TYR: variants seen among roughly 807,000 people sequenced by gnomAD.
The protein encoded by TYR is LB24-AB.
In TYR, 58 loss-of-function variants were observed where a neutral mutation model predicts 51.5. The ratio of observed to expected loss-of-function variants is 1.13; its 90% CI spans 0.91 to 1.40. TYR has a LOEUF of 1.40. TYR is among the 40% of genes most tolerant of loss of function. The pLI is 0.00. For synonymous variants in TYR, 263 were observed against 235.2 expected (o/e 1.12, Z -1.08); for missense variants, 732 against 647.4 (o/e 1.13, Z -1.42).
intron 3 of TYR, among the ~76,000 whole-genome samples, chr11:89,250,984 T>A (rs569793501): frequency 2.0e-5 from 3 of 151,912 alleles, no homozygotes; most frequent in African/African-American, 7.2e-5. Flanking sequence ...AACAAATCAT[T>A]TGAAGGGAGC....
rs115235788 is a variant in TYR at position 89,276,187 on chromosome 11, T to C, written c.1185-8586T>C. Among the ~76,000 whole-genome samples, 746 of 151,986 alleles carry C rather than the reference T, an allele frequency of 4.9e-3. 2 individuals carry two copies. Among genetic ancestry groups the C allele is most frequent in the African/African-American group, 0.017 (703 of 41,524 alleles). The stretch of plus-strand genomic sequence containing the variant: ...TTGAAAACAACAATGCCTCTGCCTC[T>C]ATTTGGATTTGTTCCCTCACAGTGA... On this transcript the variant is annotated intron_variant, in intron 3 of 4. Transcript: ENST00000263321.
At chr11:89,292,666 A>G (rs1483557798) in intron 4 of TYR, among the ~76,000 whole-genome samples, 1 of 152,136 alleles carries the variant, frequency 6.6e-6, no homozygotes, top group South Asian at 2.1e-4. Flanking sequence ...CTACCAAGTT[A>G]TTGTTTTCCC....
At position 89,231,765 on chromosome 11, in the gene TYR, C is replaced by G. The variant is rs1212068114; in HGVS notation, c.1184+3795C>G. Among the ~76,000 whole-genome samples the G allele has an allele frequency of 7.8e-5, 11 of 141,710 alleles. 1 individual carries two copies. The highest frequency in any genetic ancestry group is 7.7e-4 in the Admixed American group (11 of 14,350). 93.0% of individuals were successfully genotyped at this position (141,710 alleles called of 152,430 possible). On this transcript the variant is annotated intron_variant, in intron 3 of 4. Coordinates refer to ENST00000263321, the MANE Select transcript of TYR (RefSeq NM_000372.5). ...TTGGGAGGCTGGGATGGGTGGATTG[C>G]CTGAGCTCAGGAGTTCGAGGCCATG... is the stretch of plus-strand genomic sequence containing the variant.
chr11:89,185,533 G>A (rs7103787), intron 1 of TYR, among the ~76,000 whole-genome samples: 2,543 of 152,222 alleles, frequency 0.017, 63 homozygotes, highest in African/African-American at 0.057. Context: ...AAATAAATGT[G>A]TCTTCATGAA....
At chr11:89,273,674 C>T (rs1427623178) in intron 3 of TYR, among the ~76,000 whole-genome samples, 1 of 151,870 alleles carries the variant, frequency 6.6e-6, no homozygotes, top group Non-Finnish European at 1.5e-5. Context: ...ATGTAATATC[C>T]ACATAAAGCA....
At chr11:89,259,453 A>T (rs1368323070) in intron 3 of TYR, among the ~76,000 whole-genome samples, 1 of 152,132 alleles carries the variant, frequency 6.6e-6, no homozygotes, top group Non-Finnish European at 1.5e-5. Flanking sequence ...AACCTCAACC[A>T]CCTGTTTCTG....
chr11:89,255,232 C>G (rs756153607), intron 3 of TYR, among the ~76,000 whole-genome samples: 18 of 151,582 alleles, frequency 1.2e-4, no homozygotes, highest in East Asian at 1.9e-4. Flanking sequence ...TGTGGCCCAT[C>G]ATATGATCTA....
chr11:89,195,461 C>A (rs1041118610), intron 2 of TYR, among the ~76,000 whole-genome samples: 5 of 152,020 alleles, frequency 3.3e-5, no homozygotes, highest in Non-Finnish European at 4.4e-5. Flanking sequence ...GGTGGATCAC[C>A]TGAGGTCAGG....
At chr11:89,262,294 G>C (rs572075206) in intron 3 of TYR, among the ~76,000 whole-genome samples, 1 of 151,962 alleles carries the variant, frequency 6.6e-6, no homozygotes, top group African/African-American at 2.4e-5. Context: ...CCTGACCTCA[G>C]GTGATCTGCC....
At chr11:89,204,801 T>A (rs990511031) in intron 2 of TYR, among the ~76,000 whole-genome samples, 3 of 149,450 alleles carry the variant, frequency 2.0e-5, no homozygotes, top group Non-Finnish European at 4.4e-5. Context: ...CTTATCATAC[T>A]AAGAAAAGTT....
intron 2 of TYR, among the ~76,000 whole-genome samples, chr11:89,224,842 T>A (rs1164894033): frequency 6.6e-6 from 1 of 152,174 alleles, no homozygotes; most frequent in Non-Finnish European, 1.5e-5. Context: ...GTTGGGTAGT[T>A]TATAAATAAA....
intron 1 of TYR, among the ~76,000 whole-genome samples, chr11:89,186,917 T>C (rs919160524): frequency 6.6e-6 from 1 of 152,092 alleles, no homozygotes; most frequent in African/African-American, 2.4e-5. Flanking sequence ...GAAACGGCAA[T>C]GTGAAGACAG....
At chr11:89,206,883 G>A (rs1286939657) in intron 2 of TYR, among the ~76,000 whole-genome samples, 1 of 151,870 alleles carries the variant, frequency 6.6e-6, no homozygotes, top group African/African-American at 2.4e-5. Context: ...AACCCAAGGA[G>A]TAAAGAGAAA....
At chr11:89,210,381 TGAAATAAAGTAA>T (rs71052217) in intron 2 of TYR, among the ~76,000 whole-genome samples, 75,522 of 150,952 alleles carry the variant, frequency 0.5, 21,570 homozygotes, top group African/African-American at 0.8. Flanking sequence ...ATCAAATTAA[TGAAATAAAGTAA>T]GAAATAAAGT....
intron 1 of TYR, among the ~76,000 whole-genome samples, chr11:89,182,015 T>G (rs1943306792): frequency 6.6e-6 from 1 of 152,192 alleles, no homozygotes; most frequent in South Asian, 2.1e-4. Context: ...TCTGAGACTT[T>G]TACTGATCCA....
intron 2 of TYR, among the ~76,000 whole-genome samples, chr11:89,212,172 A>G (rs1230201308): frequency 6.6e-6 from 1 of 152,164 alleles, no homozygotes; most frequent in Admixed American, 6.5e-5. Context: ...TTTTGAAAAG[A>G]TCAACAAAAT....
At chr11:89,186,056 T>A (rs1943368090) in intron 1 of TYR, among the ~76,000 whole-genome samples, 1 of 152,124 alleles carries the variant, frequency 6.6e-6, no homozygotes, top group African/African-American at 2.4e-5. Context: ...GGGTAGGATA[T>A]TAGATGCATG....
At chr11:89,189,461 G>A (rs544516565) in intron 1 of TYR, among the ~76,000 whole-genome samples, 1 of 151,654 alleles carries the variant, frequency 6.6e-6, no homozygotes, top group East Asian at 1.9e-4. Flanking sequence ...AAAAAAAAGG[G>A]ACAATAATAG....
intron 2 of TYR, among the ~76,000 whole-genome samples, chr11:89,205,803 G>A (rs1054017564): frequency 2.6e-5 from 4 of 152,056 alleles, no homozygotes; most frequent in Non-Finnish European, 5.9e-5. Context: ...AAAATATAGG[G>A]AATTCAACAG....
Sources: gnomAD v4.1 joint callset for allele counts (sites outside exome capture counted in the v4.1 genomes callset) on GRCh38, gnomAD v4.1.1 for gene constraint, MANE v1.5 for transcripts, NCBI Gene and HGNC (gene_info 2026-07-23, HGNC 2026-07-21) for gene names.